Variants in NBPF3 observed in about 807,000 individuals in gnomAD.
NBPF3 encodes the protein NBPF family member NBPF3.
Under a neutral mutation model 78.1 loss-of-function variants are expected in NBPF3, and 57 were observed. The ratio of observed to expected loss-of-function variants is 0.73; its 90% CI spans 0.59 to 0.91. The LOEUF (loss-of-function observed/expected upper bound fraction) is 0.91, where lower values mean the gene tolerates loss of function less well. NBPF3 is among the 40% of genes least tolerant of loss of function. The pLI is 0.00. For synonymous variants in NBPF3, 182 were observed against 271.7 expected (o/e 0.67, Z 3.25); for missense variants, 510 against 715.3 (o/e 0.71, Z 3.27).
intron 2 of NBPF3, among the ~76,000 whole-genome samples, chr1:21,448,410 C>T (rs1333575811): frequency 1.3e-5 from 2 of 151,838 alleles, no homozygotes; most frequent in African/African-American, 2.4e-5. Flanking sequence ...TTTAAATTGT[C>T]TCTAAACCTT....
intron 2 of NBPF3, among the ~76,000 whole-genome samples, chr1:21,461,497 A>C (rs919639108): frequency 1.3e-5 from 2 of 152,164 alleles, no homozygotes; most frequent in African/African-American, 2.4e-5. Flanking sequence ...TTTGAGATGG[A>C]GTCTCACTCT....
chr1:21,473,574 GC>G lies in NBPF3; in HGVS notation c.930del (p.Cys310Ter). On this transcript the variant is annotated frameshift_variant, in exon 7 of 15. Coordinates refer to ENST00000318249, the MANE Select transcript of NBPF3 (RefSeq NM_032264.6). LOFTEE classifies it high-confidence loss of function. ...CATGATGAATGGTTGGATGCTGTAT[GC>G]ATTATCCCAGGTAGCCTCTATTTTC... ...SSHDEWLDAVCIIPENESDHE... is the reference protein window; with the variant it reads ...SSHDEWLDAVXIIPENESDHE... 1 of 1,613,932 alleles carries G rather than the reference GC, an allele frequency of 6.2e-7. No individual in the cohort carries two copies.
chr1:21,444,773 C>T (rs1399760185), intron 1 of NBPF3, among the ~76,000 whole-genome samples, 175 bp from the exon 2 acceptor site: 1 of 152,130 alleles, frequency 6.6e-6, no homozygotes, highest in Non-Finnish European at 1.5e-5. Flanking sequence ...GTTGCCCAGG[C>T]TGGTCAGGAC....
chr1:21,480,648 A>T (rs1643166668), intron 11 of NBPF3, among the ~76,000 whole-genome samples: 2 of 152,312 alleles, frequency 1.3e-5, no homozygotes, highest in Admixed American at 6.5e-5. Flanking sequence ...ATTTTCTTTG[A>T]ATTGATGGGA....
intron 4 of NBPF3, 129 bp downstream of exon 4, chr1:21,470,863 GAC>G (rs1642549557): frequency 3.5e-6 from 2 of 570,682 alleles, no homozygotes; most frequent in African/African-American, 1.9e-5. Flanking sequence ...GCAGGCTCAC[GAC>G]ACACAAAGAT....
chr1:21,480,899 T>C, intron 11 of NBPF3, 31 bp from the exon 12 acceptor site: 1 of 1,526,792 alleles, frequency 6.5e-7, no homozygotes, highest in Non-Finnish European at 8.9e-7. Context: ...AATTGGCTTA[T>C]CTTGTCTGTC....
chr1:21,449,960 C>A, intron 2 of NBPF3: 1 of 247,474 alleles, frequency 4.0e-6, no homozygotes, highest in Non-Finnish European at 6.4e-6. Context: ...TTGATTTTTT[C>A]TCTGAGAGGA....
intron 2 of NBPF3, among the ~76,000 whole-genome samples, chr1:21,445,673 T>C (rs1177571155): frequency 4.6e-5 from 7 of 152,070 alleles, no homozygotes; most frequent in African/African-American, 1.7e-4. Flanking sequence ...GAGATGTGTC[T>C]CGTTTTAGGC....
rs1641876947 is a variant in NBPF3 at position 21,460,271 on chromosome 1, C to CGTGCAGGTTTGTTACATAGGT, written c.134-8414_134-8394dup. 6.6e-6 allele frequency among the ~76,000 whole-genome samples: 1 copy of CGTGCAGGTTTGTTACATAGGT among 152,168 alleles called. No homozygotes were observed. Among genetic ancestry groups the CGTGCAGGTTTGTTACATAGGT allele is most frequent in the African/African-American group, 2.4e-5 (1 of 41,438 alleles). Reference sequence around the variant, plus strand: ...TAAGTTCTAGGATACTTGTGCACAACGTGCAGGTTTGTTACATAGGTGTAC... The same window carrying CGTGCAGGTTTGTTACATAGGT: ...TAAGTTCTAGGATACTTGTGCACAACGTGCAGGTTTGTTACATAGGTGTGCAGGTTTGTTACATAGGTGTAC... On this transcript the variant is annotated intron_variant, in intron 2 of 14. Transcript: ENST00000318249. This position sits in a 1 kb window ranked among gnomAD's most constrained non-coding sequence, Gnocchi z 4.2.
rs780717262 is a variant in NBPF3 at position 21,473,521 on chromosome 1, C to A, written c.876C>A (p.Val292=). 1.9e-6 allele frequency: 3 copies of A among 1,614,062 alleles called. No individual in the cohort carries two copies. The African/African-American group carries it at 4.0e-5, about 22-fold the overall frequency. Residue 292 remains valine (V), a synonymous_variant, in exon 7 of 15, where the codon GTC becomes GTA. Transcript: ENST00000318249. ...NTRITFEEDQ[V]DSTLIDSSSH... is the part of the protein sequence containing the mutation. ...GAATCACATTTGAGGAAGACCAAGT[C>A]GACTCAACTCTCATTGACTCATCCT...
chr1:21,443,445 C>T (rs1183486563), intron 1 of NBPF3, among the ~76,000 whole-genome samples: 1 of 152,148 alleles, frequency 6.6e-6, no homozygotes, highest in Non-Finnish European at 1.5e-5. Flanking sequence ...TTTTTACAAT[C>T]TTCCTGTCAA....
rs1203942342 is a variant in NBPF3, at chr1:21,479,388, C to G, written c.1196C>G (p.Ala399Gly). 1 of 1,610,736 alleles carries G rather than the reference C, an allele frequency of 6.2e-7. No homozygotes were observed. The highest frequency in any genetic ancestry group is 1.3e-5 in the African/African-American group (1 of 74,972). Residue 399 changes from alanine to glycine, a missense_variant, in exon 10 of 15, where the codon GCC becomes GGC. This residue lies in a region of NBPF3 where 440 missense variants were observed against 478.2 expected (regional missense o/e 0.92). Transcript: ENST00000318249. ...CAAGTGAAAAAGGAGGACCAAGAGG[C>G]CACAAGTCCCAGGTGAGTCTGAGAA... is the stretch of plus-strand genomic sequence containing the variant. ...CDQVKKEDQE[A>G]TSPRLSRELL...
intron 7 of NBPF3, among the ~76,000 whole-genome samples, chr1:21,474,210 C>CTTT (rs11453851): frequency 5.6e-4 from 81 of 143,710 alleles, no homozygotes; most frequent in East Asian, 1.0e-3. Context: ...TTTTCTTTTT[C>CTTT]TTTTTTTTTT....
chr1:21,478,347 T>C (rs1267968391), intron 9 of NBPF3, 40 bp downstream of exon 9: 2 of 1,602,612 alleles, frequency 1.2e-6, no homozygotes, highest in Admixed American at 1.7e-5. Context: ...CTCCAGTTCA[T>C]GTCCCAGGTA....
Position 21,460,296 on chromosome 1 carries a change from C to G in NBPF3, c.134-8392C>G. Among the ~76,000 whole-genome samples, 1 of 152,146 alleles carries G rather than the reference C, an allele frequency of 6.6e-6. No homozygotes were observed. The highest frequency in any genetic ancestry group is 1.9e-4 in the East Asian group (1 of 5,198). ...CGTGCAGGTTTGTTACATAGGTGTA[C>G]ATGTGCCATGTTGGTTTGCTGCACC... On this transcript the variant is annotated intron_variant, in intron 2 of 14. Coordinates refer to ENST00000318249, the MANE Select transcript of NBPF3 (RefSeq NM_032264.6). This position sits in a 1 kb window ranked among gnomAD's most constrained non-coding sequence, Gnocchi z 4.2.
At chr1:21,464,462 A>G (rs1642141060) in intron 2 of NBPF3, among the ~76,000 whole-genome samples, 2 of 151,908 alleles carry the variant, frequency 1.3e-5, no homozygotes, top group Admixed American at 1.3e-4. Flanking sequence ...GAGGGGGGGA[A>G]TTGGAGAGTG....
chr1:21,444,679 T>C (rs1426063765), intron 1 of NBPF3, among the ~76,000 whole-genome samples: 1 of 152,194 alleles, frequency 6.6e-6, no homozygotes, highest in Admixed American at 6.5e-5. Context: ...TGCCTCAGCC[T>C]CCCGAGTAGC....
chr1:21,471,724 G>C lies in NBPF3; in HGVS notation c.602G>C (p.Arg201Pro). The change falls in exon 5 of 15, where the codon CGA becomes CCA. Residue 201 changes from arginine (R) to proline (P), a missense_variant. By Grantham distance (103) the Arg-to-Pro change is moderately radical. This residue lies in a region of NBPF3 where 440 missense variants were observed against 478.2 expected (regional missense o/e 0.92). Coordinates refer to ENST00000318249, the MANE Select transcript of NBPF3 (RefSeq NM_032264.6). Reference protein sequence around the residue: ...EPDNSQGRDLREQLAEGCRLA... With the variant: ...EPDNSQGRDLPEQLAEGCRLA... ...GACAACTCCCAGGGACGGGACCTCC[G>C]AGAACAGCTGGCTGAGGGATGTAGG... is the stretch of plus-strand genomic sequence containing the variant. 1.2e-6 allele frequency: 2 copies of C among 1,613,458 alleles called. No homozygotes were observed. The highest frequency in any genetic ancestry group is 2.7e-5 in the African/African-American group (2 of 74,932).
upstream of NBPF3, among the ~76,000 whole-genome samples, chr1:21,439,466 G>C (rs758461691): frequency 2.0e-5 from 3 of 150,286 alleles, no homozygotes; most frequent in Admixed American, 6.7e-5. Flanking sequence ...TCCATCCTGG[G>C]CAACGAGAGC....
Sources: gnomAD v4.1 joint callset for allele counts (sites outside exome capture counted in the v4.1 genomes callset) on GRCh38, gnomAD v4.1.1 for gene constraint, gnomAD v4.1.1 regional missense constraint, Gnocchi (gnomAD v3.1) non-coding constraint, MANE v1.5 for transcripts, NCBI Gene and HGNC (gene_info 2026-07-23, HGNC 2026-07-21) for gene names.